Variants in ADGRV1 observed in about 807,000 individuals in gnomAD.
The protein encoded by ADGRV1 is adhesion G protein-coupled receptor V1, also known as G-protein coupled receptor 98.
In ADGRV1, 359 loss-of-function variants were observed where a neutral mutation model predicts 596.2. That is an observed-to-expected ratio of 0.60 (90% confidence interval 0.55 to 0.66). The LOEUF is 0.66. Ranked by LOEUF, ADGRV1 falls within the 30% of genes least tolerant of loss-of-function variation. ADGRV1 has a pLI of 0.00. For synonymous variants in ADGRV1, 2,681 were observed against 2,679.2 expected (o/e 1.00, Z -0.02); for missense variants, 7,274 against 7,575.6 (o/e 0.96, Z 1.48).
intron 48 of ADGRV1, 46 bp from the exon 49 acceptor site, chr5:90,728,623 T>C (rs1291554766): frequency 6.5e-7 from 1 of 1,530,850 alleles, no homozygotes. Context: ...TTGCAAGTGC[T>C]AAATTCCTAG....
At chr5:91,068,298 AAAAAAAC>A (rs1343213201) in intron 85 of ADGRV1, among the ~76,000 whole-genome samples, 1 of 151,752 alleles carries the variant, frequency 6.6e-6, no homozygotes, top group African/African-American at 2.4e-5. Context: ...CTACTTAAAA[AAAAAAAC>A]AAAAAACAAA....
At chr5:91,054,925 C>A (rs1032075820) in intron 85 of ADGRV1, among the ~76,000 whole-genome samples, 1 of 152,158 alleles carries the variant, frequency 6.6e-6, no homozygotes, top group African/African-American at 2.4e-5. Context: ...AAGAACACAT[C>A]CCTGAGTAGG....
intron 52 of ADGRV1, among the ~76,000 whole-genome samples, chr5:90,748,634 C>A (rs1247828952): frequency 4.6e-5 from 7 of 151,976 alleles, no homozygotes; most frequent in African/African-American, 1.7e-4. Flanking sequence ...AACAAGAGGA[C>A]CCTATTCTTA....
intron 87 of ADGRV1, among the ~76,000 whole-genome samples, chr5:91,142,842 G>A (rs987302758): frequency 6.6e-6 from 1 of 152,184 alleles, no homozygotes; most frequent in African/African-American, 2.4e-5. Flanking sequence ...ATAGTGTTAC[G>A]GGATCCTTGG....
intron 1 of ADGRV1, among the ~76,000 whole-genome samples, chr5:90,607,967 A>G (rs908218081): frequency 2.0e-5 from 3 of 152,252 alleles, no homozygotes; most frequent in South Asian, 4.1e-4. Context: ...TTTTTTTAAA[A>G]TCAGTATTTT....
chr5:91,155,400 G>A (rs1265710638), intron 89 of ADGRV1, among the ~76,000 whole-genome samples: 1 of 152,104 alleles, frequency 6.6e-6, no homozygotes, highest in African/African-American at 2.4e-5. Context: ...AGTGAGAGAA[G>A]CCGGGCAGCA....
At chr5:90,655,290 G>A (rs1220925171) in intron 20 of ADGRV1, 2 of 152,030 alleles carry the variant, frequency 1.3e-5, no homozygotes, top group African/African-American at 4.8e-5. Flanking sequence ...AAATAGAACT[G>A]AACAGTATGT....
intron 87 of ADGRV1, among the ~76,000 whole-genome samples, chr5:91,122,361 C>G (rs1793398012): frequency 6.6e-6 from 1 of 152,136 alleles, no homozygotes; most frequent in Admixed American, 6.5e-5. Flanking sequence ...CAAATGGTAA[C>G]AAGGGACTTA....
intron 89 of ADGRV1, among the ~76,000 whole-genome samples, chr5:91,158,027 C>G (rs1443217354): frequency 1.3e-5 from 2 of 152,224 alleles, no homozygotes; most frequent in Non-Finnish European, 2.9e-5. Flanking sequence ...ACCACCTCTT[C>G]TCACCTATAA....
Position 90,854,212 on chromosome 5 carries a change from A to G in ADGRV1, c.17594+11A>G, listed in dbSNP as rs773743455. 1.3e-6 allele frequency: 2 copies of G among 1,517,604 alleles called. No individual in the cohort carries two copies. The highest frequency in any genetic ancestry group is 1.8e-6 in the Non-Finnish European group (2 of 1,133,466). The allele number at this position is 1,517,604 out of a possible 1,614,324, so 94.0% of individuals were successfully genotyped here. Reference sequence around the variant, plus strand: ...TCAGGCTGCTGCAAGGTACTTATTAATAAAATAAAAAAATCAGAATTTGGT... The same window carrying G: ...TCAGGCTGCTGCAAGGTACTTATTAGTAAAATAAAAAAATCAGAATTTGGT... On this transcript the variant is annotated intron_variant, in intron 81 of 89. Transcript: ENST00000405460.
chr5:90,823,025 C>T (rs921700291), intron 75 of ADGRV1, among the ~76,000 whole-genome samples: 1 of 152,120 alleles, frequency 6.6e-6, no homozygotes, highest in Non-Finnish European at 1.5e-5. Context: ...TAAGGAGATT[C>T]TGGGCTGAGA....
At chr5:91,036,638 A>G (rs1445524010) in intron 85 of ADGRV1, among the ~76,000 whole-genome samples, 1 of 151,834 alleles carries the variant, frequency 6.6e-6, no homozygotes, top group African/African-American at 2.4e-5. Flanking sequence ...AGGCAGGATC[A>G]CTTGAGCCCA....
intron 85 of ADGRV1, among the ~76,000 whole-genome samples, chr5:91,054,753 C>G (rs1786686779): frequency 6.6e-6 from 1 of 152,164 alleles, no homozygotes; most frequent in Non-Finnish European, 1.5e-5. Flanking sequence ...CCTCCTAATA[C>G]CATCACGTTG....
intron 85 of ADGRV1, among the ~76,000 whole-genome samples, chr5:91,028,037 CTTTT>C (rs748293256): frequency 9.7e-6 from 1 of 102,608 alleles, no homozygotes; most frequent in Non-Finnish European, 2.3e-5. Context: ...TTTTTTCTTT[CTTTT>C]TTTTTTTTTT....
At chr5:90,934,028 A>G (rs1327612549) in intron 83 of ADGRV1, among the ~76,000 whole-genome samples, 1 of 152,158 alleles carries the variant, frequency 6.6e-6, no homozygotes, top group Non-Finnish European at 1.5e-5. Flanking sequence ...TACTCCAGAA[A>G]CTATTTCAGA....
intron 82 of ADGRV1, among the ~76,000 whole-genome samples, chr5:90,857,933 C>T (rs951425668): frequency 1.3e-5 from 2 of 152,154 alleles, no homozygotes; most frequent in Non-Finnish European, 2.9e-5. Context: ...GGAATTTAAC[C>T]TTTTTTTAAA....
intron 3 of ADGRV1, among the ~76,000 whole-genome samples, chr5:90,618,640 C>A (rs2152057784): frequency 6.6e-6 from 1 of 152,174 alleles, no homozygotes; most frequent in Non-Finnish European, 1.5e-5. Context: ...ATTTTATAAA[C>A]AGTTTTAATG....
At chr5:90,667,105 C>T (rs1771569350) in intron 21 of ADGRV1, among the ~76,000 whole-genome samples, 4 of 151,608 alleles carry the variant, frequency 2.6e-5, no homozygotes, top group South Asian at 2.1e-4. Context: ...TTGCTCTTCT[C>T]GAGGAGTATC....
chr5:90,964,697 GATT>G, intron 83 of ADGRV1, among the ~76,000 whole-genome samples: 2 of 148,908 alleles, frequency 1.3e-5, no homozygotes, highest in East Asian at 4.0e-4. Flanking sequence ...TCTTTGCAGG[GATT>G]ATATTCTAGG....
Sources: gnomAD v4.1 joint callset for allele counts (sites outside exome capture counted in the v4.1 genomes callset) on GRCh38, gnomAD v4.1.1 for gene constraint, MANE v1.5 for transcripts, NCBI Gene and HGNC (gene_info 2026-07-23, HGNC 2026-07-21) for gene names.